RFX3: variants seen among roughly 807,000 people sequenced by gnomAD.
RFX3 encodes the protein transcription factor RFX3.
A neutral mutation model predicts 98.6 loss-of-function variants in RFX3; 14 were observed. The ratio of observed to expected loss-of-function variants is 0.14; its 90% confidence interval spans 0.09 to 0.22. RFX3 has a LOEUF of 0.22. Among genes scored for constraint, RFX3 ranks in the 10% least tolerant of loss-of-function variants. RFX3 has a pLI of 1.00. For missense variants in RFX3, 639 were observed against 926.9 expected (o/e 0.69, Z 4.03); for synonymous variants, 383 against 328.4 (o/e 1.17, Z -1.80).
intron 7 of RFX3, among the ~76,000 whole-genome samples, chr9:3,281,968 A>T (rs1428755548): frequency 6.6e-6 from 1 of 151,802 alleles, no homozygotes; most frequent in Non-Finnish European, 1.5e-5. Flanking sequence ...AGTGGCTGAA[A>T]AATGCACATG....
chr9:3,366,675 T>TTTC (rs1482724474), intron 2 of RFX3, among the ~76,000 whole-genome samples: 2 of 148,428 alleles, frequency 1.3e-5, no homozygotes, highest in African/African-American at 5.2e-5. Flanking sequence ...TCTCTTTCTC[T>TTTC]TTCTTTCTTC....
intron 1 of RFX3, among the ~76,000 whole-genome samples, chr9:3,497,057 G>C (rs987311588): frequency 1.3e-4 from 19 of 151,984 alleles, no homozygotes; most frequent in African/African-American, 4.6e-4. Flanking sequence ...TACTGAACCT[G>C]TGTTTGTGTC....
At chr9:3,240,097 G>A (rs75720547) in intron 15 of RFX3, among the ~76,000 whole-genome samples, 2,576 of 152,318 alleles carry the variant, frequency 0.017, 63 homozygotes, top group African/African-American at 0.059. Context: ...AGAGGCTGGC[G>A]ACACGGGCTG....
In RFX3 at chr9:3,320,721, TAC is replaced by T. The variant is rs943161448; in HGVS notation, c.474+9536_474+9537del. Reference sequence around the variant, plus strand: ...GTGTGTGTGCATATATATACATACATACACACACATATGTGCCTATATATACA... The same window carrying T: ...GTGTGTGTGCATATATATACATACATACACACATATGTGCCTATATATACA... On this transcript the variant is annotated intron_variant, in intron 4 of 16. Coordinates refer to ENST00000617270, the MANE Select transcript of RFX3 (RefSeq NM_001282116.2). Among the ~76,000 whole-genome samples the T allele has an allele frequency of 9.2e-4, 122 of 132,412 alleles. 1 individual carries two copies. Among genetic ancestry groups the T allele is most frequent in the Middle Eastern group, 3.7e-3 (1 of 268 alleles). The allele number at this position is 132,412 out of a possible 152,430, so 86.9% of individuals were successfully genotyped here.
chr9:3,504,070 G>A (rs1363912255), intron 1 of RFX3, among the ~76,000 whole-genome samples: 4 of 146,742 alleles, frequency 2.7e-5, no homozygotes, highest in African/African-American at 7.5e-5. Flanking sequence ...GGCTCAATCG[G>A]CTCGATTCCT....
chr9:3,524,409 G>C, intron 1 of RFX3: 3 of 577,440 alleles, frequency 5.2e-6, no homozygotes, highest in Non-Finnish European at 6.6e-6. Flanking sequence ...AAATCAAAAA[G>C]TAAATAAAAA....
intron 9 of RFX3, among the ~76,000 whole-genome samples, chr9:3,274,549 C>G (rs1288292062): frequency 2.0e-5 from 3 of 152,124 alleles, no homozygotes; most frequent in African/African-American, 7.2e-5. Flanking sequence ...GTGGGATACT[C>G]AGAACGAGAG....
chr9:3,395,849 T>C (rs766743742), intron 1 of RFX3, among the ~76,000 whole-genome samples: 14 of 152,180 alleles, frequency 9.2e-5, no homozygotes, highest in Admixed American at 6.5e-4. Flanking sequence ...TAAATTTCAT[T>C]GAAAGCTACC....
intron 1 of RFX3, among the ~76,000 whole-genome samples, chr9:3,483,715 T>C (rs117388998): frequency 2.6e-5 from 4 of 152,346 alleles, no homozygotes; most frequent in Non-Finnish European, 5.9e-5. Context: ...GTTGAAGACA[T>C]ACATACCAGT....
At chr9:3,248,581 C>A (rs1365727447) in intron 14 of RFX3, among the ~76,000 whole-genome samples, 1 of 152,114 alleles carries the variant, frequency 6.6e-6, no homozygotes, top group Non-Finnish European at 1.5e-5. Flanking sequence ...CAGTCTGTCC[C>A]CTCTCAGTGA....
chr9:3,499,431 T>C (rs116800852), intron 1 of RFX3, among the ~76,000 whole-genome samples: 3,141 of 152,188 alleles, frequency 0.021, 112 homozygotes, highest in African/African-American at 0.071. Flanking sequence ...AATAATTTTA[T>C]ATTAATTATA....
chr9:3,370,568 G>A (rs932675803), intron 2 of RFX3, among the ~76,000 whole-genome samples: 3 of 151,926 alleles, frequency 2.0e-5, no homozygotes, highest in Non-Finnish European at 4.4e-5. Context: ...GGTAGAGATT[G>A]GGACGAGCCA....
chr9:3,296,646 T>A (rs899060011), intron 5 of RFX3, among the ~76,000 whole-genome samples: 2 of 152,096 alleles, frequency 1.3e-5, no homozygotes, highest in African/African-American at 4.8e-5. Context: ...CTAGCAAAGC[T>A]ACGTTTTGTT....
chr9:3,347,545 C>T (rs978933588), intron 2 of RFX3, among the ~76,000 whole-genome samples: 4 of 151,970 alleles, frequency 2.6e-5, no homozygotes, highest in Admixed American at 1.3e-4. Context: ...TCCAGAAGGC[C>T]GGGTGCGGTG....
At chr9:3,358,083 T>C (rs1448665484) in intron 2 of RFX3, among the ~76,000 whole-genome samples, 1 of 152,098 alleles carries the variant, frequency 6.6e-6, no homozygotes, top group East Asian at 1.9e-4. Flanking sequence ...TAAGAGGTTC[T>C]TGTGCTGATA....
chr9:3,301,732 A>G, intron 4 of RFX3, 112 bp from the exon 5 acceptor site: 2 of 679,840 alleles, frequency 2.9e-6, no homozygotes, highest in Non-Finnish European at 5.0e-6. Context: ...AACGGTCGTT[A>G]ATGAACAGTT....
Position 3,395,493 on chromosome 9 carries a change from C to A in RFX3, c.96G>T (p.Gln32His). 1 of 1,613,932 alleles carries A rather than the reference C, an allele frequency of 6.2e-7. No individual in the cohort carries two copies. Reference protein sequence around the residue: ...SQAAVPTQVVQQVPVQQQVQQ... With the variant: ...SQAAVPTQVVHQVPVQQQVQQ... Reference sequence around the variant, plus strand: ...TTACCTGTTGTTGTACTGGTACTTGCTGTACCACCTGCGTAGGCACTGCTG... The same window carrying A: ...TTACCTGTTGTTGTACTGGTACTTGATGTACCACCTGCGTAGGCACTGCTG... Residue 32 changes from glutamine to histidine, a missense_variant, in exon 2 of 17, where the codon CAG (glutamine) becomes CAT (histidine). Around this residue, in one of 9 missense-constraint regions of RFX3, gnomAD observed 210 missense variants for 197.7 expected, o/e 1.06. Coordinates refer to ENST00000617270, the MANE Select transcript of RFX3 (RefSeq NM_001282116.2).
intron 1 of RFX3, among the ~76,000 whole-genome samples, chr9:3,460,925 T>C (rs749686190): frequency 2.0e-5 from 3 of 151,888 alleles, no homozygotes; most frequent in Non-Finnish European, 4.4e-5. Flanking sequence ...TCAATACTTC[T>C]CCTGTAGTCT....
At chr9:3,432,514 C>G (rs1844743980) in intron 1 of RFX3, among the ~76,000 whole-genome samples, 1 of 152,104 alleles carries the variant, frequency 6.6e-6, no homozygotes, top group African/African-American at 2.4e-5. Flanking sequence ...TCTGCCCAGA[C>G]TTTGTACATG....
Sources: gnomAD v4.1 joint callset for allele counts (sites outside exome capture counted in the v4.1 genomes callset) on GRCh38, gnomAD v4.1.1 for gene constraint, gnomAD v4.1.1 regional missense constraint, MANE v1.5 for transcripts, NCBI Gene and HGNC (gene_info 2026-07-23, HGNC 2026-07-21) for gene names.